The following AGBL1 variants were observed in gnomAD, a reference collection of about 807,000 sequenced individuals.
AGBL1 encodes the protein cytosolic carboxypeptidase 4.
Under a neutral mutation model 118.9 loss-of-function variants are expected in AGBL1, and 130 were observed. The observed-to-expected ratio is 1.09, with a 90% CI of 0.95 to 1.26. AGBL1 has a LOEUF of 1.26. Ranked by LOEUF, AGBL1 falls within the 50% of genes most tolerant of loss-of-function variation. The pLI is 0.00. For missense variants in AGBL1, 1,584 were observed against 1,298.1 expected (o/e 1.22, Z -3.38); for synonymous variants, 555 against 478.9 (o/e 1.16, Z -2.08).
intron 17 of AGBL1, among the ~76,000 whole-genome samples, chr15:86,307,452 A>G (rs1361000545): frequency 6.6e-6 from 1 of 151,866 alleles, no homozygotes; most frequent in Non-Finnish European, 1.5e-5. Context: ...CTTAATTTTC[A>G]TGGAATCTAA....
At chr15:86,953,587 C>A (rs2080901071) in intron 23 of AGBL1, among the ~76,000 whole-genome samples, 1 of 151,892 alleles carries the variant, frequency 6.6e-6, no homozygotes. Flanking sequence ...GACAGGGTTT[C>A]ACCATGTTGG....
intron 18 of AGBL1, among the ~76,000 whole-genome samples, chr15:86,484,222 G>C (rs1360731558): frequency 6.6e-6 from 1 of 152,062 alleles, no homozygotes; most frequent in African/African-American, 2.4e-5. Context: ...TTGCAAGAAG[G>C]CACAGACTTT....
At chr15:86,611,181 T>C (rs1225217242) in intron 21 of AGBL1, among the ~76,000 whole-genome samples, 4 of 152,210 alleles carry the variant, frequency 2.6e-5, no homozygotes, top group Admixed American at 1.3e-4. Flanking sequence ...CTATATGATA[T>C]AGGTATGCTC....
At chr15:87,029,041 ACTCCAC>A in exon 25 of AGBL1, 1 of 535,950 alleles carries the variant, frequency 1.9e-6, no homozygotes, top group South Asian at 3.0e-5. Context: ...ATAAAAATAG[ACTCCAC>A]CTATTTGGTT....
intron 22 of AGBL1, among the ~76,000 whole-genome samples, chr15:86,866,026 A>G (rs566636131): frequency 6.6e-6 from 1 of 152,318 alleles, no homozygotes; most frequent in Admixed American, 6.5e-5. Context: ...TGCCTCAGCC[A>G]TCTTTCCCTT....
chr15:86,189,739 G>T (rs573023866), intron 5 of AGBL1, among the ~76,000 whole-genome samples: 1 of 152,306 alleles, frequency 6.6e-6, no homozygotes, highest in African/African-American at 2.4e-5. Context: ...CCGGTGCTGT[G>T]CTTCTGCAGA....
chr15:86,318,696 ATTTTTTTTTTTT>A (rs57988335), intron 17 of AGBL1, among the ~76,000 whole-genome samples: 8 of 81,986 alleles, frequency 9.8e-5, no homozygotes, highest in Middle Eastern at 8.5e-3. Flanking sequence ...TTGATCATAG[ATTTTTTTTTTTT>A]TTTTTTTTTT....
At chr15:86,391,514 T>C (rs2081284490) in intron 17 of AGBL1, among the ~76,000 whole-genome samples, 1 of 152,072 alleles carries the variant, frequency 6.6e-6, no homozygotes. Flanking sequence ...TCATGTTAGC[T>C]GCATGATTCC....
At chr15:86,122,835 C>T (rs1163528774) in intron 1 of AGBL1, among the ~76,000 whole-genome samples, 1 of 152,112 alleles carries the variant, frequency 6.6e-6, no homozygotes, top group East Asian at 1.9e-4. Flanking sequence ...TCTCATTATA[C>T]CCTCCTCCCT....
chr15:86,899,264 C>A (rs2080177508), intron 22 of AGBL1, among the ~76,000 whole-genome samples: 1 of 152,102 alleles, frequency 6.6e-6, no homozygotes, highest in African/African-American at 2.4e-5. Context: ...AGGCCATTAT[C>A]CTCAGCAAAC....
intron 13 of AGBL1, among the ~76,000 whole-genome samples, chr15:86,268,193 C>G: frequency 6.6e-6 from 1 of 152,184 alleles, no homozygotes; most frequent in Non-Finnish European, 1.5e-5. Context: ...GAAGTTCTTC[C>G]TCTTTGGGGG....
At chr15:86,893,256 TCTTG>T (rs2080076469) in intron 22 of AGBL1, among the ~76,000 whole-genome samples, 3 of 152,210 alleles carry the variant, frequency 2.0e-5, no homozygotes, top group Non-Finnish European at 4.4e-5. Flanking sequence ...AGTGTTCGCC[TCTTG>T]CTTCTCAGTA....
chr15:86,151,110 A>G (rs574068144), intron 3 of AGBL1, among the ~76,000 whole-genome samples: 74 of 151,700 alleles, frequency 4.9e-4, no homozygotes, highest in Non-Finnish European at 9.1e-4. Flanking sequence ...CAATGAGAAC[A>G]CATGGACACA....
At chr15:86,865,281 GA>G (rs1385303931) in intron 22 of AGBL1, among the ~76,000 whole-genome samples, 1 of 152,166 alleles carries the variant, frequency 6.6e-6, no homozygotes, top group Non-Finnish European at 1.5e-5. Flanking sequence ...AGAGGAATCA[GA>G]AAAATCAAAG....
chr15:87,009,606 G>A (rs1412723139), intron 24 of AGBL1, among the ~76,000 whole-genome samples: 1 of 152,188 alleles, frequency 6.6e-6, no homozygotes, highest in Non-Finnish European at 1.5e-5. Context: ...TCCACTGACA[G>A]CTTGCACTAT....
chr15:86,164,158 TG>T (rs1386328573), intron 5 of AGBL1, among the ~76,000 whole-genome samples: 3 of 152,348 alleles, frequency 2.0e-5, no homozygotes, highest in Admixed American at 1.3e-4. Context: ...GAGGGGCATG[TG>T]GGGACAGCAT....
chr15:86,303,399 G>C (rs182150075), intron 17 of AGBL1, among the ~76,000 whole-genome samples: 1 of 152,208 alleles, frequency 6.6e-6, no homozygotes, highest in East Asian at 1.9e-4. Flanking sequence ...AGACATCCTT[G>C]GTGACTGGCT....
At chr15:86,530,172 TAA>T (rs1258906592) in intron 19 of AGBL1, among the ~76,000 whole-genome samples, 1 of 141,784 alleles carries the variant, frequency 7.1e-6, no homozygotes, top group Non-Finnish European at 1.5e-5. Flanking sequence ...GCAAGTTGGA[TAA>T]AGAGTCAAGA....
chr15:86,221,925 C>G (rs1002133422), intron 5 of AGBL1, among the ~76,000 whole-genome samples: 7 of 152,014 alleles, frequency 4.6e-5, no homozygotes, highest in African/African-American at 1.7e-4. Flanking sequence ...ATAGTTGATA[C>G]CTATAAAATT....
Sources: allele counts gnomAD v4.1 joint callset (sites outside exome capture counted in the v4.1 genomes callset), GRCh38; gene constraint gnomAD v4.1.1; transcripts MANE v1.5; gene names NCBI Gene and HGNC (gene_info 2026-07-23, HGNC 2026-07-21).